BLNK: variants seen among roughly 807,000 people sequenced by gnomAD.
BLNK encodes B cell linker.
BLNK carries 29 observed loss-of-function variants against 73.5 expected under a neutral mutation model. That is an observed-to-expected ratio of 0.39 (90% CI 0.29 to 0.54). The LOEUF (loss-of-function observed/expected upper bound fraction) is 0.54. Among genes scored for constraint, BLNK ranks in the 20% least tolerant of loss-of-function variants. BLNK has a pLI of 0.61. For synonymous variants in BLNK, 176 were observed against 200.8 expected (o/e 0.88, Z 1.04); for missense variants, 460 against 562.8 (o/e 0.82, Z 1.85).
intron 1 of BLNK, among the ~76,000 whole-genome samples, chr10:96,264,870 C>T (rs1843921732): frequency 6.6e-6 from 1 of 152,166 alleles, no homozygotes; most frequent in African/African-American, 2.4e-5. Flanking sequence ...CTCTCCTCCA[C>T]CAGCTGCTTT....
intron 6 of BLNK, among the ~76,000 whole-genome samples, chr10:96,218,946 G>A (rs782188986): frequency 1.1e-4 from 16 of 152,204 alleles, no homozygotes; most frequent in Non-Finnish European, 2.4e-4. Context: ...TGAGGCTTTG[G>A]AATCATACAG....
rs73324949 is a variant in BLNK, at chr10:96,243,047, G to A, written c.114-263C>T. The stretch of plus-strand genomic sequence containing the variant: ...GAAGTCAGGTGGAGAAGGGCTCAGA[G>A]AGGTCAGAATATGATAGTAATAAGC... On this transcript the variant is annotated intron_variant, in intron 2 of 16. Coordinates refer to ENST00000224337, the MANE Select transcript of BLNK (RefSeq NM_013314.4). Among the ~76,000 whole-genome samples, 6,146 of 152,278 alleles carry A rather than the reference G, an allele frequency of 0.04. 382 individuals are homozygous for A. Among genetic ancestry groups the A allele is most frequent in the African/African-American group, 0.13 (5,412 of 41,518 alleles).
At position 96,191,749 on chromosome 10, in the gene BLNK, A is replaced by C; in HGVS notation, c.*224T>G. On this transcript the variant is annotated 3_prime_UTR_variant, in exon 17 of 17. Transcript: ENST00000224337. ...TTTGGAAAATATTAGTAGCATGATAACTCAACCTCACCAGATATTAACAGT... is the reference window on the plus strand; with the variant it reads ...TTTGGAAAATATTAGTAGCATGATACCTCAACCTCACCAGATATTAACAGT... 2.0e-6 allele frequency: 1 copy of C among 495,458 alleles called. No homozygotes were observed. The highest frequency in any genetic ancestry group is 3.6e-6 in the Non-Finnish European group (1 of 278,484). 30.7% of individuals were successfully genotyped at this position (495,458 alleles called of 1,614,324 possible).
intron 1 of BLNK, among the ~76,000 whole-genome samples, chr10:96,254,016 G>T (rs1236968952): frequency 1.4e-5 from 2 of 148,084 alleles, no homozygotes; most frequent in African/African-American, 5.0e-5. Flanking sequence ...GCAAGACTCT[G>T]TCTCAAAAAA....
Position 96,189,553 on chromosome 10 carries a change from G to GT in BLNK, c.*2419dup, listed in dbSNP as rs1343931488. On this transcript the variant is annotated 3_prime_UTR_variant, in exon 17 of 17. Transcript: ENST00000224337. ...TTTGGTGTTTTACGAGTTTTTTCCT[G>GT]TTTTTTGAAGGATTCTTGTCCTTTT... The GT allele has an allele frequency of 2.1e-5, 14 of 661,046 alleles. No individual in the cohort carries two copies. In the East Asian group the frequency reaches 2.8e-4, roughly 13 times the overall value. 40.9% of individuals were successfully genotyped at this position (661,046 alleles called of 1,614,324 possible). A position where few individuals can be genotyped will look rare whatever the true frequency, so the allele number is the denominator to read the frequency against.
At chr10:96,223,778 C>T (rs782330202) in intron 6 of BLNK, 48 bp downstream of exon 6, 6 of 1,609,414 alleles carry the variant, frequency 3.7e-6, no homozygotes, top group South Asian at 1.1e-5. Context: ...GTCGCTTGCC[C>T]CACCCCCCTC....
chr10:96,227,084 G>T (rs1842297632), intron 5 of BLNK, among the ~76,000 whole-genome samples: 1 of 152,238 alleles, frequency 6.6e-6, no homozygotes, highest in African/African-American at 2.4e-5. Context: ...TAATCTCAGG[G>T]TTGCTTTCCC....
intron 1 of BLNK, among the ~76,000 whole-genome samples, chr10:96,263,388 C>G (rs782127742): frequency 6.6e-6 from 1 of 152,198 alleles, no homozygotes; most frequent in South Asian, 2.1e-4. Flanking sequence ...GTAATGAGAG[C>G]CTTCCTTAGG....
intron 16 of BLNK, 54 bp downstream of exon 16, chr10:96,196,854 G>A (rs587693697): frequency 1.7e-4 from 267 of 1,545,292 alleles, no homozygotes; most frequent in Admixed American, 3.7e-4. Context: ...AGTATTTGAT[G>A]TCATTATACT....
In BLNK at chr10:96,271,515, G is replaced by A. The variant is rs1357919520; in HGVS notation, c.-117C>T. 1.9e-5 allele frequency: 21 copies of A among 1,102,812 alleles called. No homozygotes were observed. Among genetic ancestry groups the A allele is most frequent in the Non-Finnish European group, 2.5e-5 (18 of 721,650 alleles). The allele number at this position is 1,102,812 out of a possible 1,614,324, so 68.3% of individuals were successfully genotyped here. ...GGTCTCAAGGGTTCCGGCCACTCAAGTCTGATTTCTGAGAGTGCAGGCTGC... is the reference window on the plus strand; with the variant it reads ...GGTCTCAAGGGTTCCGGCCACTCAAATCTGATTTCTGAGAGTGCAGGCTGC... On this transcript the variant is annotated 5_prime_UTR_variant, in exon 1 of 17. Coordinates refer to ENST00000224337, the MANE Select transcript of BLNK (RefSeq NM_013314.4).
chr10:96,268,103 C>T (rs186940746), intron 1 of BLNK, among the ~76,000 whole-genome samples: 10 of 152,152 alleles, frequency 6.6e-5, no homozygotes, highest in South Asian at 4.2e-4. Flanking sequence ...TGGGGAGACC[C>T]GATTTGACCA....
Position 96,264,540 on chromosome 10 carries a change from G to A in BLNK, c.47+6812C>T, listed in dbSNP as rs139436193. Among the ~76,000 whole-genome samples, 418 of 152,042 alleles carry A rather than the reference G, an allele frequency of 2.7e-3. 7 individuals are homozygous for A. Among genetic ancestry groups the A allele is most frequent in the Middle Eastern group, 0.024 (7 of 294 alleles). On this transcript the variant is annotated intron_variant, in intron 1 of 16. Coordinates refer to ENST00000224337, the MANE Select transcript of BLNK (RefSeq NM_013314.4). ...CTAATATGCAGAACAATCACACAAA[G>A]CGTTTCCTGAGATCCAGATTCAATC... is the stretch of plus-strand genomic sequence containing the variant.
intron 3 of BLNK, among the ~76,000 whole-genome samples, chr10:96,233,068 AG>A (rs1842566517): frequency 6.6e-6 from 1 of 152,206 alleles, no homozygotes; most frequent in Non-Finnish European, 1.5e-5. Context: ...TGCCTTCAAA[AG>A]TGCTGGGATT....
Position 96,191,896 on chromosome 10 carries a change from G to C in BLNK, c.*77C>G. On this transcript the variant is annotated 3_prime_UTR_variant, in exon 17 of 17. Transcript: ENST00000224337. ...GATGATTCATAATCCAAAATATGAAGTTTTGGGACTTTTTCTCAAAAGGAG... is the reference window on the plus strand; with the variant it reads ...GATGATTCATAATCCAAAATATGAACTTTTGGGACTTTTTCTCAAAAGGAG... 6.3e-7 allele frequency: 1 copy of C among 1,575,556 alleles called. No individual in the cohort carries two copies. The highest frequency in any genetic ancestry group is 8.7e-7 in the Non-Finnish European group (1 of 1,147,652).
intron 3 of BLNK, among the ~76,000 whole-genome samples, chr10:96,234,310 A>G (rs1842619456): frequency 2.0e-5 from 3 of 152,236 alleles, no homozygotes; most frequent in African/African-American, 7.2e-5. Flanking sequence ...TAGCTAGACT[A>G]TCTACTTCAG....
At chr10:96,235,139 C>T (rs1268883129) in intron 3 of BLNK, among the ~76,000 whole-genome samples, 2 of 152,242 alleles carry the variant, frequency 1.3e-5, no homozygotes, top group African/African-American at 4.8e-5. Flanking sequence ...CACATTTGGG[C>T]TTAAGCTCTG....
intron 1 of BLNK, among the ~76,000 whole-genome samples, chr10:96,266,845 T>A (rs1844028022): frequency 6.6e-6 from 1 of 152,220 alleles, no homozygotes; most frequent in Admixed American, 6.5e-5. Flanking sequence ...TGGTTTGAGG[T>A]ACTGGTGGTT....
chr10:96,214,364 A>T (rs139045036), intron 8 of BLNK, among the ~76,000 whole-genome samples: 115 of 152,270 alleles, frequency 7.6e-4, no homozygotes, highest in African/African-American at 2.8e-3. Flanking sequence ...TAGGGGTGAC[A>T]TGGCAAAGAC....
chr10:96,236,076 T>C (rs1359811798), intron 3 of BLNK, among the ~76,000 whole-genome samples: 1 of 151,744 alleles, frequency 6.6e-6, no homozygotes, highest in African/African-American at 2.4e-5. Context: ...CAGGACTCTG[T>C]GGTGGTGGCT....
Sources: allele counts gnomAD v4.1 joint callset (sites outside exome capture counted in the v4.1 genomes callset), GRCh38; gene constraint gnomAD v4.1.1; transcripts MANE v1.5; gene names NCBI Gene and HGNC (gene_info 2026-07-23, HGNC 2026-07-21).